Variants in PPA2 observed in about 807,000 individuals in gnomAD.
The protein encoded by PPA2 is inorganic pyrophosphatase 2.
PPA2 carries 48 observed loss-of-function variants against 49.5 expected under a neutral mutation model. The observed-to-expected ratio is 0.97, with a 90% CI of 0.77 to 1.23. The LOEUF (loss-of-function observed/expected upper bound fraction) is 1.23. PPA2 is among the 50% of genes most tolerant of loss of function. The probability of loss-of-function intolerance (pLI) is 0.00; values close to 1 mark genes in which losing one functional copy is unlikely to be tolerated. For missense variants in PPA2, 429 were observed against 410.1 expected (o/e 1.05, Z -0.40); for synonymous variants, 131 against 139.9 (o/e 0.94, Z 0.45).
At chr4:105,413,891 C>T (rs1415242594) in intron 7 of PPA2, among the ~76,000 whole-genome samples, 15 of 152,156 alleles carry the variant, frequency 9.9e-5, no homozygotes, top group Non-Finnish European at 1.5e-5. Context: ...AAATGGAATA[C>T]ATCAAAATTT....
At position 105,453,583 on chromosome 4, in the gene PPA2, A is replaced by G; in HGVS notation, c.267+15T>C. ...TATAAAAGTGATTCACAAAAATAAAAACCTTTGGATATACCTCATATTCAT... is the reference window on the plus strand; with the variant it reads ...TATAAAAGTGATTCACAAAAATAAAGACCTTTGGATATACCTCATATTCAT... On this transcript the variant is annotated intron_variant, in intron 3 of 11. Coordinates refer to ENST00000341695, the MANE Select transcript of PPA2 (RefSeq NM_176869.3). 6.4e-7 allele frequency: 1 copy of G among 1,567,162 alleles called. No individual in the cohort carries two copies.
chr4:105,405,181 A>G, intron 7 of PPA2: 2 of 679,196 alleles, frequency 2.9e-6, no homozygotes, highest in Non-Finnish European at 3.6e-6. Flanking sequence ...CAGTTATTTT[A>G]ATTTGTATAA....
In PPA2 at chr4:105,424,233, A is replaced by G; in HGVS notation, c.618T>C (p.Ala206=). ...AGGCTTCAGGATCATTCGCATTGAT[A>G]GCAATTAATTTCCAATCTGTTTCAC... The part of the protein sequence containing the change: ...DEGETDWKLI[A]INANDPEASK... Residue 206 remains alanine, a synonymous_variant, in exon 7 of 12, where the codon GCT becomes GCC. Transcript: ENST00000341695. 6.2e-7 allele frequency: 1 copy of G among 1,609,640 alleles called. No individual in the cohort carries two copies. The highest frequency in any genetic ancestry group is 8.5e-7 in the Non-Finnish European group (1 of 1,178,958).
chr4:105,473,810 C>A, intron 1 of PPA2, 84 bp downstream of exon 1: 1 of 1,528,104 alleles, frequency 6.5e-7, no homozygotes, highest in Non-Finnish European at 8.9e-7. Flanking sequence ...GGAGACCGCG[C>A]GGGGCGTCCC....
rs746703535 is a variant in PPA2, at chr4:105,473,988, C to G, written c.63G>C (p.Gly21=). The change falls in exon 1 of 12, where the codon GGG becomes GGC. Residue 21 remains glycine, a synonymous_variant. Transcript: ENST00000341695. ...GAPAAACLRL[G]TSAGTGSRRA... is the part of the protein sequence containing the mutation. ...GGCGCGACCCGGTCCCTGCACTGGT[C>G]CCCAACCGCAGGCACGCAGCGGCTG... 3.6e-5 allele frequency: 58 copies of G among 1,608,784 alleles called. 1 individual carries two copies. In the Admixed American group the frequency reaches 9.0e-4, roughly 25 times the overall value.
chr4:105,445,685 G>T (rs1722347395), intron 5 of PPA2, among the ~76,000 whole-genome samples: 1 of 151,972 alleles, frequency 6.6e-6, no homozygotes, highest in Non-Finnish European at 1.5e-5. Flanking sequence ...AAGGCAGATG[G>T]TTCTCTGTGT....
At chr4:105,395,634 T>A (rs1001824854) in intron 9 of PPA2, among the ~76,000 whole-genome samples, 3 of 148,438 alleles carry the variant, frequency 2.0e-5, no homozygotes, top group Non-Finnish European at 4.5e-5. Flanking sequence ...AAATTTGGTG[T>A]AGATAACATA....
chr4:105,421,474 T>C (rs1723250499), intron 7 of PPA2, among the ~76,000 whole-genome samples: 1 of 152,216 alleles, frequency 6.6e-6, no homozygotes, highest in East Asian at 1.9e-4. Context: ...TCTAAAATCC[T>C]GTGTTTGTGA....
At chr4:105,447,162 G>A (rs1402540358) in intron 4 of PPA2, among the ~76,000 whole-genome samples, 1 of 152,072 alleles carries the variant, frequency 6.6e-6, no homozygotes, top group Non-Finnish European at 1.5e-5. Context: ...CAGATTAATG[G>A]ATAAAGAAAA....
chr4:105,392,978 T>C (rs1036622637), intron 9 of PPA2, among the ~76,000 whole-genome samples: 12 of 152,110 alleles, frequency 7.9e-5, no homozygotes, highest in African/African-American at 2.9e-4. Context: ...AATTAAATCT[T>C]AAAAGATGAG....
At chr4:105,456,175 TG>T (rs1165876770) in intron 2 of PPA2, 1 of 448,152 alleles carries the variant, frequency 2.2e-6, no homozygotes, top group Non-Finnish European at 4.3e-6. Context: ...CTCTAACACC[TG>T]TTTCATAGAG....
At chr4:105,446,604 T>G (rs1380561918) in intron 4 of PPA2, 102 bp from the exon 5 acceptor site, 2 of 1,323,184 alleles carry the variant, frequency 1.5e-6, no homozygotes, top group Non-Finnish European at 1.0e-6. Context: ...GACTAAACAT[T>G]CATATTTCAA....
intron 8 of PPA2, among the ~76,000 whole-genome samples, chr4:105,397,099 G>GT (rs1488494244): frequency 2.0e-5 from 3 of 152,156 alleles, no homozygotes; most frequent in African/African-American, 4.8e-5. Context: ...GTTCTTTAGA[G>GT]TTTTTTCCCA....
At chr4:105,400,255 C>T (rs1399324435) in intron 7 of PPA2, among the ~76,000 whole-genome samples, 1 of 151,832 alleles carries the variant, frequency 6.6e-6, no homozygotes, top group East Asian at 1.9e-4. Flanking sequence ...ATATTGAGTT[C>T]CTTGAACGAA....
intron 9 of PPA2, among the ~76,000 whole-genome samples, chr4:105,392,927 C>T (rs912174973): frequency 6.6e-5 from 10 of 152,198 alleles, no homozygotes; most frequent in African/African-American, 2.4e-4. Flanking sequence ...GGCATTTCAA[C>T]TAGCATATGA....
chr4:105,451,356 G>A (rs1418584058), intron 3 of PPA2, among the ~76,000 whole-genome samples: 2 of 152,122 alleles, frequency 1.3e-5, no homozygotes, highest in East Asian at 3.8e-4. Context: ...TTCTACATAA[G>A]ACTAAAGGTT....
chr4:105,381,546 G>A (rs1459862775), intron 10 of PPA2, among the ~76,000 whole-genome samples: 2 of 151,982 alleles, frequency 1.3e-5, no homozygotes, highest in Non-Finnish European at 2.9e-5. Context: ...TCATGATTAA[G>A]TATTGTTTTA....
At chr4:105,379,355 A>C (rs187515105) in intron 10 of PPA2, among the ~76,000 whole-genome samples, 136 of 151,946 alleles carry the variant, frequency 9.0e-4, no homozygotes, top group Non-Finnish European at 1.6e-3. Flanking sequence ...GTATATACAG[A>C]TGTATATATA....
intron 5 of PPA2, among the ~76,000 whole-genome samples, chr4:105,444,302 A>G (rs1308240694): frequency 2.6e-5 from 4 of 152,218 alleles, no homozygotes; most frequent in Non-Finnish European, 5.9e-5. Flanking sequence ...AGCGGAGGCC[A>G]GATCACACAG....
Sources: allele counts gnomAD v4.1 joint callset (sites outside exome capture counted in the v4.1 genomes callset), GRCh38; gene constraint gnomAD v4.1.1; transcripts MANE v1.5; gene names NCBI Gene and HGNC (gene_info 2026-07-23, HGNC 2026-07-21).